Variants in CCNY observed in about 807,000 individuals in gnomAD.
The protein encoded by CCNY is cyclin Y.
CCNY carries 19 observed loss-of-function variants against 42.8 expected under a neutral mutation model. The ratio of observed to expected loss-of-function variants is 0.44; its 90% confidence interval spans 0.31 to 0.65. The LOEUF (loss-of-function observed/expected upper bound fraction) is 0.65. CCNY is among the 30% of genes least tolerant of loss of function. The pLI, the probability that CCNY is intolerant of heterozygous loss-of-function variation, is 0.07. For synonymous variants in CCNY, 165 were observed against 162.7 expected (o/e 1.01, Z -0.11); for missense variants, 370 against 437.3 (o/e 0.85, Z 1.37).
At chr10:35,558,076 A>G (rs761231359) in intron 8 of CCNY, among the ~76,000 whole-genome samples, 1 of 152,232 alleles carries the variant, frequency 6.6e-6, no homozygotes, top group East Asian at 1.9e-4. Flanking sequence ...GGCTATTTAA[A>G]TGAGCCTACC....
chr10:35,313,793 T>C (rs1398177772), intron 3 of CCNY, among the ~76,000 whole-genome samples: 4 of 152,090 alleles, frequency 2.6e-5, no homozygotes, highest in African/African-American at 9.6e-5. Context: ...GGCAACATGT[T>C]GAAACACCGT....
chr10:35,454,458 A>G (rs1348401142), intron 1 of CCNY, among the ~76,000 whole-genome samples: 1 of 152,220 alleles, frequency 6.6e-6, no homozygotes, highest in Non-Finnish European at 1.5e-5. Flanking sequence ...CCAGGGTGAA[A>G]TGCAGCTTTG....
chr10:35,479,908 G>C (rs10764045), intron 1 of CCNY, among the ~76,000 whole-genome samples: 63,125 of 151,884 alleles, frequency 0.42, 14,473 homozygotes, highest in African/African-American at 0.62. Flanking sequence ...TAAAATTGCA[G>C]TGTTTGTCAT....
intron 1 of CCNY, among the ~76,000 whole-genome samples, chr10:35,458,001 C>T (rs1159762325): frequency 1.3e-5 from 2 of 152,102 alleles, no homozygotes; most frequent in East Asian, 1.9e-4. Flanking sequence ...TTCTCTTCTC[C>T]CTTGTTTTTT....
At chr10:35,324,830 A>C (rs1026246578) in intron 3 of CCNY, among the ~76,000 whole-genome samples, 1 of 152,190 alleles carries the variant, frequency 6.6e-6, no homozygotes, top group Non-Finnish European at 1.5e-5. Context: ...ATAAAGGATA[A>C]ATTAGCCTAT....
At chr10:35,249,892 A>C (rs1225778804) in intron 2 of CCNY, among the ~76,000 whole-genome samples, 1 of 152,210 alleles carries the variant, frequency 6.6e-6, no homozygotes, top group East Asian at 1.9e-4. Flanking sequence ...TCTACTAAAA[A>C]TACAAAAATT....
At chr10:35,566,218 A>C in intron 9 of CCNY, 33 bp downstream of exon 9, 1 of 1,597,052 alleles carries the variant, frequency 6.3e-7, no homozygotes, top group Non-Finnish European at 8.5e-7. Context: ...TTTGTGGTGC[A>C]GTGTTGCCAA....
chr10:35,449,025 T>C (rs1467216337), intron 1 of CCNY, among the ~76,000 whole-genome samples: 3 of 151,936 alleles, frequency 2.0e-5, no homozygotes, highest in African/African-American at 4.8e-5. Context: ...GAGTTGCTCC[T>C]TAGTGACTGA....
intron 8 of CCNY, among the ~76,000 whole-genome samples, chr10:35,555,407 T>A (rs2135453732): frequency 6.6e-6 from 1 of 152,340 alleles, no homozygotes; most frequent in Non-Finnish European, 1.5e-5. Flanking sequence ...ACTTAGGTTG[T>A]ATTCATTGAA....
At position 35,297,353 on chromosome 10, in the gene CCNY, G is replaced by A. The variant is rs116933956; in HGVS notation, c.-9+46727G>A. 2.1e-4 allele frequency among the ~76,000 whole-genome samples: 32 copies of A among 152,012 alleles called. No homozygotes were observed. In the East Asian group the frequency reaches 5.6e-3, roughly 27 times the overall value. On this transcript the variant is annotated intron_variant, in intron 3 of 11. Transcript: ENST00000374706. ...TAAACAAGGCATTGAAGGAATATACGTCAAAATAATAAGAGCTATCTATGA... is the reference window on the plus strand; with the variant it reads ...TAAACAAGGCATTGAAGGAATATACATCAAAATAATAAGAGCTATCTATGA...
intron 2 of CCNY, among the ~76,000 whole-genome samples, chr10:35,499,019 G>A (rs749751125): frequency 2.0e-5 from 3 of 152,158 alleles, no homozygotes; most frequent in Non-Finnish European, 4.4e-5. Flanking sequence ...ATTGCAGCCA[G>A]TTGGAGTTCA....
At chr10:35,388,004 G>A (rs1837333662) in intron 1 of CCNY, among the ~76,000 whole-genome samples, 1 of 152,164 alleles carries the variant, frequency 6.6e-6, no homozygotes, top group South Asian at 2.1e-4. Flanking sequence ...CAAATGCTGG[G>A]CCAGTGTCCA....
chr10:35,392,457 A>C (rs1837434462), intron 1 of CCNY, among the ~76,000 whole-genome samples: 1 of 152,196 alleles, frequency 6.6e-6, no homozygotes, highest in East Asian at 1.9e-4. Flanking sequence ...GTACAGAGAG[A>C]ATGTCCCGTG....
At chr10:35,467,772 A>T (rs1316641844) in intron 1 of CCNY, among the ~76,000 whole-genome samples, 1 of 152,230 alleles carries the variant, frequency 6.6e-6, no homozygotes, top group African/African-American at 2.4e-5. Flanking sequence ...AGATTGCTGT[A>T]AGTTTTTGGC....
At chr10:35,399,367 G>A (rs970609056) in intron 1 of CCNY, among the ~76,000 whole-genome samples, 27 of 151,440 alleles carry the variant, frequency 1.8e-4, no homozygotes, top group African/African-American at 5.8e-4. Context: ...GGTGTCTTGG[G>A]TGTCTACTCC....
In CCNY at chr10:35,421,077, G is replaced by C. The variant is rs367842289; in HGVS notation, c.155-62327G>C. ...GGCTGTGTGCACCTATGCCAGTGCC[G>C]GCTCTGCTTTGGGGTGGGATTTTGG... is the stretch of plus-strand genomic sequence containing the variant. On this transcript the variant is annotated intron_variant, in intron 1 of 9. Coordinates refer to ENST00000374704, the MANE Select transcript of CCNY (RefSeq NM_145012.6). Among the ~76,000 whole-genome samples the C allele has an allele frequency of 7.9e-5, 12 of 152,252 alleles. 1 individual carries two copies. The East Asian group carries it at 2.3e-3, about 29-fold the overall frequency.
rs536956306 is a variant in CCNY at position 35,485,703 on chromosome 10, C to T, written c.229+2225C>T. ...TTGTGCCACTGCACTCTGGCCTGGG[C>T]GACAGAGCGAGACTCCGTCTCAAAA... is the stretch of plus-strand genomic sequence containing the variant. On this transcript the variant is annotated intron_variant, in intron 2 of 9. Transcript: ENST00000374704. 7.0e-5 allele frequency among the ~76,000 whole-genome samples: 9 copies of T among 127,832 alleles called. No individual in the cohort carries two copies. The South Asian group carries it at 7.4e-4, about 10-fold the overall frequency. The allele number at this position is 127,832 out of a possible 152,430, so 83.9% of individuals were successfully genotyped here.
rs373687504 is a variant in CCNY, at chr10:35,516,505, C to G, written c.265-18C>G. On this transcript the variant is annotated intron_variant, in intron 3 of 9. Transcript: ENST00000374704. The stretch of plus-strand genomic sequence containing the variant: ...AGCCCTGTGTAATTGCCTTAATCTT[C>G]TTGCTGTTGTTTTCTAGCATCCTCC... The G allele has an allele frequency of 2.4e-5, 37 of 1,571,814 alleles. No individual in the cohort carries two copies. Among genetic ancestry groups the G allele is most frequent in the Non-Finnish European group, 3.2e-5 (36 of 1,142,052 alleles).
chr10:35,557,359 C>T (rs976905997), intron 8 of CCNY, among the ~76,000 whole-genome samples: 2 of 152,110 alleles, frequency 1.3e-5, no homozygotes, highest in African/African-American at 4.8e-5. Context: ...CAAAAATGTA[C>T]ATTTAAGTCA....
Sources: gnomAD v4.1 joint callset for allele counts (sites outside exome capture counted in the v4.1 genomes callset) on GRCh38, gnomAD v4.1.1 for gene constraint, MANE v1.5 for transcripts, NCBI Gene and HGNC (gene_info 2026-07-23, HGNC 2026-07-21) for gene names.